The following SMAD9 variants were observed in gnomAD, a reference collection of about 807,000 sequenced individuals.
SMAD9 encodes MAD homolog 9.
In SMAD9, 36 loss-of-function variants were observed where a neutral mutation model predicts 46.1. That is an observed-to-expected ratio of 0.78 (90% CI 0.60 to 1.03). The LOEUF is 1.03. Among genes scored for constraint, SMAD9 ranks in the 50% least tolerant of loss-of-function variants. SMAD9 has a pLI of 0.00. For missense variants in SMAD9, 572 were observed against 599.8 expected, an observed-to-expected ratio of 0.95 and a Z score of 0.48; for synonymous variants, 245 against 237.1, an observed-to-expected ratio of 1.03 and a Z score of -0.31.
intron 2 of SMAD9, among the ~76,000 whole-genome samples, chr13:36,873,682 G>A (rs1044538551): frequency 2.0e-5 from 3 of 152,144 alleles, no homozygotes; most frequent in South Asian, 2.1e-4. Context: ...AGCCAACGTG[G>A]TGAAACCCCG....
At position 36,905,820 on chromosome 13, in the gene SMAD9, T is replaced by C. The variant is rs568091400; in HGVS notation, c.-187+14296A>G. Reference sequence around the variant, plus strand: ...AAAAAAAAAAAAAAAAAAAAACTTATATCCTTTGTTATATTTTTTTAAAAG... The same window carrying C: ...AAAAAAAAAAAAAAAAAAAAACTTACATCCTTTGTTATATTTTTTTAAAAG... On this transcript the variant is annotated intron_variant, in intron 1 of 6. Transcript: ENST00000379826. 2.4e-3 allele frequency among the ~76,000 whole-genome samples: 271 copies of C among 113,338 alleles called. 1 individual carries two copies. The highest frequency in any genetic ancestry group is 8.7e-3 in the African/African-American group (256 of 29,538). The allele number at this position is 113,338 out of a possible 152,430, so 74.4% of individuals were successfully genotyped here.
At chr13:36,920,750 CAT>C (rs938240086), upstream of SMAD9, 8 of 152,368 alleles carry the variant, frequency 5.3e-5, no homozygotes, top group African/African-American at 1.9e-4. Flanking sequence ...CTGTTCCTCA[CAT>C]GTTTCTGGGC....
chr13:36,860,303 T>TA (rs1318163586), intron 5 of SMAD9, among the ~76,000 whole-genome samples: 2 of 152,066 alleles, frequency 1.3e-5, no homozygotes, highest in African/African-American at 2.4e-5. Context: ...TAAAATGGTT[T>TA]AAAAAAAGCC....
At chr13:36,912,878 A>G (rs1284740256) in intron 1 of SMAD9, among the ~76,000 whole-genome samples, 1 of 152,214 alleles carries the variant, frequency 6.6e-6, no homozygotes, top group African/African-American at 2.4e-5. Context: ...CTAATCAGGA[A>G]AAATACAGTC....
At chr13:36,908,469 T>C (rs1188938738) in intron 1 of SMAD9, among the ~76,000 whole-genome samples, 3 of 152,200 alleles carry the variant, frequency 2.0e-5, no homozygotes, top group Non-Finnish European at 4.4e-5. Context: ...AATTGAAAAG[T>C]TCACAAAATT....
In SMAD9 at chr13:36,866,988, T is replaced by C. The variant is rs183978620; in HGVS notation, c.781+285A>G. ...CAAATAGAATAAAATCCCTAACTTC[T>C]TGAGTTCCCAACTCCATACTTAACA... On this transcript the variant is annotated intron_variant, in intron 4 of 6. Coordinates refer to ENST00000379826, the MANE Select transcript of SMAD9 (RefSeq NM_001127217.3). Among the ~76,000 whole-genome samples, 59 of 152,346 alleles carry C rather than the reference T, an allele frequency of 3.9e-4. No homozygotes were observed. The East Asian group carries it at 7.7e-3, about 20-fold the overall frequency.
At position 36,846,505 on chromosome 13, in the gene SMAD9, G is replaced by C. The variant is rs536720633; in HGVS notation, c.*2171C>G. The C allele has an allele frequency of 4.7e-5, 7 of 150,416 alleles. No homozygotes were observed. Among genetic ancestry groups the C allele is most frequent in the Admixed American group, 4.6e-4 (7 of 15,096 alleles). The allele number at this position is 150,416 out of a possible 1,614,324, so 9.3% of individuals were successfully genotyped here. A position where few individuals can be genotyped will look rare whatever the true frequency, so the allele number is the denominator to read the frequency against. On this transcript the variant is annotated 3_prime_UTR_variant, in exon 7 of 7. Transcript: ENST00000379826. ...AAAAAAAAAAAAAAAAAGATTACCA[G>C]AGGATAAGTTAGATAGCTGGTAGAG...
chr13:36,900,162 T>C (rs753767853), intron 1 of SMAD9, among the ~76,000 whole-genome samples: 1 of 152,222 alleles, frequency 6.6e-6, no homozygotes, highest in East Asian at 1.9e-4. Flanking sequence ...TATGCAACTA[T>C]TTCAAAGCAC....
chr13:36,910,902 G>A (rs774098105), intron 1 of SMAD9, among the ~76,000 whole-genome samples: 1 of 152,152 alleles, frequency 6.6e-6, no homozygotes, highest in African/African-American at 2.4e-5. Flanking sequence ...AAGCCACATT[G>A]TGGTCTGTAC....
chr13:36,855,961 T>C (rs6563502), intron 5 of SMAD9, among the ~76,000 whole-genome samples: 4,345 of 152,216 alleles, frequency 0.029, 234 homozygotes, highest in African/African-American at 0.099. Flanking sequence ...CCCTCAGCCT[T>C]CCTCTCCCTC....
chr13:36,909,979 C>T (rs9315453), intron 1 of SMAD9, among the ~76,000 whole-genome samples: 59,733 of 151,820 alleles, frequency 0.39, 14,187 homozygotes, highest in Non-Finnish European at 0.51. Flanking sequence ...GGGTGGATCA[C>T]GAGGTCAGGA....
At chr13:36,881,357 ATTGT>A (rs1358697557) in intron 1 of SMAD9, among the ~76,000 whole-genome samples, 3 of 152,284 alleles carry the variant, frequency 2.0e-5, no homozygotes, top group South Asian at 2.1e-4. Flanking sequence ...ATCTCCAACA[ATTGT>A]TTGTTTAATA....
chr13:36,845,775 G>A lies in SMAD9; in HGVS notation c.*2901C>T, dbSNP rs955688597. 6.6e-6 allele frequency: 1 copy of A among 151,972 alleles called. No individual in the cohort carries two copies. The highest frequency in any genetic ancestry group is 6.6e-5 in the Admixed American group (1 of 15,258). 9.4% of individuals were successfully genotyped at this position (151,972 alleles called of 1,614,324 possible). On this transcript the variant is annotated 3_prime_UTR_variant, in exon 7 of 7. Transcript: ENST00000379826. ...TATGATTGTGTTACAATGACTAAAG[G>A]GTTAACTTCTCATTAATTCTAAATT...
At position 36,846,915 on chromosome 13, in the gene SMAD9, ACTGT is replaced by A. The variant is rs1176873218; in HGVS notation, c.*1757_*1760del. On this transcript the variant is annotated 3_prime_UTR_variant, in exon 7 of 7. Transcript: ENST00000379826. The stretch of plus-strand genomic sequence containing the variant: ...GGTTCTCGGCTCCCTGAGGGCTGGG[ACTGT>A]CTCTTATTTACATTTGATTCTACAG... The A allele has an allele frequency of 1.3e-5, 2 of 152,178 alleles. No homozygotes were observed. The highest frequency in any genetic ancestry group is 4.8e-5 in the African/African-American group (2 of 41,440). 9.4% of individuals were successfully genotyped at this position (152,178 alleles called of 1,614,324 possible). A position where few individuals can be genotyped will look rare whatever the true frequency, so the allele number is the denominator to read the frequency against.
chr13:36,901,642 G>C (rs2058577206), intron 1 of SMAD9, among the ~76,000 whole-genome samples: 1 of 152,112 alleles, frequency 6.6e-6, no homozygotes, highest in African/African-American at 2.4e-5. Context: ...TGGCCAGGCT[G>C]GTCTTGAACT....
intron 1 of SMAD9, among the ~76,000 whole-genome samples, chr13:36,892,345 G>C (rs1437270531): frequency 6.6e-6 from 1 of 152,116 alleles, no homozygotes; most frequent in Non-Finnish European, 1.5e-5. Context: ...CACAGCAAAA[G>C]CCAAAAGAGG....
At chr13:36,863,828 C>T (rs2058206521) in intron 5 of SMAD9, among the ~76,000 whole-genome samples, 1 of 152,134 alleles carries the variant, frequency 6.6e-6, no homozygotes, top group South Asian at 2.1e-4. Context: ...AGCCTGCAGA[C>T]CCATGGGCCA....
chr13:36,882,107 T>C (rs139772929), intron 1 of SMAD9, among the ~76,000 whole-genome samples: 118 of 152,226 alleles, frequency 7.8e-4, no homozygotes, highest in Admixed American at 2.2e-3. Flanking sequence ...AATCAATGAA[T>C]TGGAACAAAA....
At chr13:36,877,438 A>G (rs1444017010) in intron 2 of SMAD9, among the ~76,000 whole-genome samples, 1 of 152,198 alleles carries the variant, frequency 6.6e-6, no homozygotes, top group East Asian at 1.9e-4. Flanking sequence ...AACCAGGTAC[A>G]TTTTACAAGA....
Sources: gnomAD v4.1 joint callset for allele counts (sites outside exome capture counted in the v4.1 genomes callset) on GRCh38, gnomAD v4.1.1 for gene constraint, MANE v1.5 for transcripts, NCBI Gene and HGNC (gene_info 2026-07-23, HGNC 2026-07-21) for gene names.